EPG5: variants seen among roughly 807,000 people sequenced by gnomAD.
The protein encoded by EPG5 is ectopic P-granules 5 autophagy tethering factor, also known as ectopic P granules protein 5 homolog.
EPG5 carries 159 observed loss-of-function variants against 302.7 expected under a neutral mutation model. The observed-to-expected ratio is 0.53, with a 90% CI of 0.46 to 0.60. EPG5 has a LOEUF of 0.60. Ranked by LOEUF, EPG5 falls within the 20% of genes least tolerant of loss-of-function variation. The pLI is 0.00. For synonymous variants in EPG5, 1,158 were observed against 1,136.8 expected, an observed-to-expected ratio of 1.02 and a Z score of -0.37; for missense variants, 2,896 against 3,092.4, an observed-to-expected ratio of 0.94 and a Z score of 1.51.
chr18:45,963,629 G>C (rs8086618), intron 1 of EPG5, among the ~76,000 whole-genome samples: 1 of 151,836 alleles, frequency 6.6e-6, no homozygotes, highest in Admixed American at 6.6e-5. Context: ...AGTGAGACTC[G>C]GTCTCAAAAA....
chr18:45,899,664 G>T, intron 26 of EPG5, 98 bp from the exon 27 acceptor site: 1 of 1,245,490 alleles, frequency 8.0e-7, no homozygotes, highest in Non-Finnish European at 1.1e-6. Flanking sequence ...TTATAGTGCA[G>T]CAAAAGACAC....
At chr18:45,933,149 T>A (rs1352968589) in intron 11 of EPG5, among the ~76,000 whole-genome samples, 1 of 152,158 alleles carries the variant, frequency 6.6e-6, no homozygotes. Flanking sequence ...GGACAGACAA[T>A]GGCTGTGAGA....
chr18:45,949,147 G>T (rs2050850401), intron 5 of EPG5, among the ~76,000 whole-genome samples: 1 of 152,090 alleles, frequency 6.6e-6, no homozygotes, highest in Non-Finnish European at 1.5e-5. Flanking sequence ...ACCAACTGTG[G>T]TGTAAGACAG....
chr18:45,845,992 C>T (rs943481109), downstream of EPG5, among the ~76,000 whole-genome samples: 5 of 152,182 alleles, frequency 3.3e-5, no homozygotes, highest in Admixed American at 2.0e-4. Context: ...GCTGGAGACA[C>T]CATGGGCTGA....
the EPG5 span, among the ~76,000 whole-genome samples, chr18:45,806,046 T>C: frequency 1.3e-5 from 2 of 152,200 alleles, no homozygotes; most frequent in Non-Finnish European, 2.9e-5. Flanking sequence ...CTGTTTGAAA[T>C]TGGTATAAAG....
At chr18:45,903,638 G>A (rs2049677409) in intron 25 of EPG5, among the ~76,000 whole-genome samples, 1 of 152,098 alleles carries the variant, frequency 6.6e-6, no homozygotes, top group African/African-American at 2.4e-5. Flanking sequence ...AAACTAACTG[G>A]TAATTTATAC....
chr18:45,948,476 T>C (rs1197071711), intron 6 of EPG5, 27 bp downstream of exon 6: 3 of 1,582,760 alleles, frequency 1.9e-6, no homozygotes, highest in Admixed American at 1.7e-5. Flanking sequence ...TTTCAATCTC[T>C]ACTTCACAAA....
At position 45,882,320 on chromosome 18, in the gene EPG5, G is replaced by A. The variant is rs909725535; in HGVS notation, c.5472C>T (p.Tyr1824=). 4 of 1,614,026 alleles carry A rather than the reference G, an allele frequency of 2.5e-6. No individual in the cohort carries two copies. The highest frequency in any genetic ancestry group is 2.7e-5 in the African/African-American group (2 of 74,906). ...FCKHWTYLLL[Y]QFPDQYSDIL... is the part of the protein sequence containing the mutation. ...TGTCACTGTACTGGTCAGGAAACTG[G>A]TAGAGAAGAAGATAAGTCCAGTGCT... The change falls in exon 31 of 44, where the codon TAC becomes TAT. Residue 1824 remains tyrosine, a synonymous_variant. Transcript: ENST00000282041.
chr18:45,839,054 T>C, the EPG5 span: 5 of 1,519,730 alleles, frequency 3.3e-6, no homozygotes, highest in Non-Finnish European at 4.4e-6. Flanking sequence ...GCGCTGCTGC[T>C]GCTCGGGGTC....
chr18:45,858,886 A>G lies in EPG5; in HGVS notation c.7010-104T>C, dbSNP rs554826005. 394 of 791,332 alleles carry G rather than the reference A, an allele frequency of 5.0e-4. 3 individuals carry two copies. The South Asian group carries it at 6.6e-3, about 13-fold the overall frequency. 49.0% of individuals were successfully genotyped at this position (791,332 alleles called of 1,614,324 possible). ...AAGCTTCATGATTTTTTTTTTTGACATAGCAACCTATGAGATAATAAGCTT... is the reference window on the plus strand; with the variant it reads ...AAGCTTCATGATTTTTTTTTTTGACGTAGCAACCTATGAGATAATAAGCTT... On this transcript the variant is annotated intron_variant, in intron 40 of 43. Transcript: ENST00000282041.
At chr18:45,878,506 C>T in intron 33 of EPG5, 58 bp from the exon 34 acceptor site, 3 of 1,078,900 alleles carry the variant, frequency 2.8e-6, no homozygotes, top group South Asian at 2.6e-5. Flanking sequence ...AATATCACTG[C>T]TCACATTATA....
At chr18:45,839,158 A>G in the EPG5 span, 1 of 1,341,516 alleles carries the variant, frequency 7.5e-7, no homozygotes, top group Non-Finnish European at 9.5e-7. Context: ...GCTCTTAGAT[A>G]AGACCACCTG....
At chr18:45,891,962 C>T (rs139679084) in intron 27 of EPG5, among the ~76,000 whole-genome samples, 111 of 152,202 alleles carry the variant, frequency 7.3e-4, no homozygotes, top group African/African-American at 2.1e-3. Context: ...CGGGACTATG[C>T]GTGTCACAGA....
At chr18:45,958,467 A>G (rs1043916141) in intron 1 of EPG5, among the ~76,000 whole-genome samples, 19 of 133,004 alleles carry the variant, frequency 1.4e-4, no homozygotes, top group African/African-American at 6.9e-4. Flanking sequence ...GTGTTGGCAC[A>G]TGGACAAATA....
At chr18:45,901,268 T>G (rs149924318) in intron 25 of EPG5, 101 bp from the exon 26 acceptor site, 1,002 of 1,007,864 alleles carry the variant, frequency 9.9e-4, no homozygotes, top group African/African-American at 5.1e-3. Flanking sequence ...CTCAAAAAAT[T>G]TATAGTCTTA....
intron 13 of EPG5, among the ~76,000 whole-genome samples, chr18:45,927,962 G>A (rs531434592): frequency 9.1e-4 from 139 of 152,262 alleles, no homozygotes; most frequent in African/African-American, 3.1e-3. Context: ...GGGAGACCGA[G>A]GTGGGTGGAT....
intron 15 of EPG5, 75 bp downstream of exon 15, chr18:45,923,193 A>T: frequency 6.6e-7 from 1 of 1,513,082 alleles, no homozygotes; most frequent in South Asian, 1.2e-5. Context: ...CAATAGTATA[A>T]GTCTATCATC....
At position 45,882,290 on chromosome 18, in the gene EPG5, G is replaced by T. The variant is rs780262729; in HGVS notation, c.5502C>A (p.Leu1834=). 4 of 1,613,898 alleles carry T rather than the reference G, an allele frequency of 2.5e-6. No homozygotes were observed. Among genetic ancestry groups the T allele is most frequent in the Non-Finnish European group, 3.4e-6 (4 of 1,179,790 alleles). ...GACACTTACTTTGCATAAGCAGCCT[G>T]AGAATGTCACTGTACTGGTCAGGAA... ...YQFPDQYSDI[L]RLLMQSSAEQ... Residue 1834 remains leucine (L), a synonymous_variant, in exon 31 of 44, where the codon CTC becomes CTA. Transcript: ENST00000282041.
Position 45,876,288 on chromosome 18 carries a change from G to A in EPG5, c.5997C>T (p.Ser1999=). ...WLESDTVVAS[S]IVQLFTDCID... Reference sequence around the variant, plus strand: ...TACAGTCAGTGAACAGCTGCACAATGCTTGAGGCCACCACAGTATCACTCT... The same window carrying A: ...TACAGTCAGTGAACAGCTGCACAATACTTGAGGCCACCACAGTATCACTCT... The change falls in exon 35 of 44, where the codon AGC becomes AGT. Residue 1999 remains serine, a synonymous_variant. Coordinates refer to ENST00000282041, the MANE Select transcript of EPG5 (RefSeq NM_020964.3). The A allele has an allele frequency of 6.2e-7, 1 of 1,614,078 alleles. No individual in the cohort carries two copies. Among genetic ancestry groups the A allele is most frequent in the Non-Finnish European group, 8.5e-7 (1 of 1,179,982 alleles).
Sources: allele counts gnomAD v4.1 joint callset (sites outside exome capture counted in the v4.1 genomes callset), GRCh38; gene constraint gnomAD v4.1.1; transcripts MANE v1.5; gene names NCBI Gene and HGNC (gene_info 2026-07-23, HGNC 2026-07-21).